PLAGL1: variants seen among roughly 807,000 people sequenced by gnomAD.
PLAGL1 encodes the protein zinc finger protein PLAGL1.
In PLAGL1, 1 loss-of-function variant was observed where a neutral mutation model predicts 4.6. The observed-to-expected ratio is 0.22, with a 90% CI of 0.08 to 1.03. The LOEUF (loss-of-function observed/expected upper bound fraction) is 1.03, where lower values mean the gene tolerates loss of function less well. PLAGL1 is among the 50% of genes least tolerant of loss of function. The pLI, the probability that PLAGL1 is intolerant of heterozygous loss-of-function variation, is 0.58. For missense variants in PLAGL1, 464 were observed against 570.4 expected (o/e 0.81, Z 1.90); for synonymous variants, 240 against 237.8 (o/e 1.01, Z -0.08).
chr6:144,054,542 G>C (rs2128727094), intron 1 of PLAGL1, among the ~76,000 whole-genome samples: 1 of 152,286 alleles, frequency 6.6e-6, no homozygotes, highest in East Asian at 1.9e-4. Flanking sequence ...AGTGGGAGCT[G>C]AACAATAAGA....
intron 1 of PLAGL1, among the ~76,000 whole-genome samples, chr6:144,060,752 C>G (rs1188939581): frequency 6.6e-6 from 1 of 152,158 alleles, no homozygotes; most frequent in Non-Finnish European, 1.5e-5. Context: ...AAATTTGACC[C>G]ACATCCCTCA....
chr6:144,001,207 C>T (rs968840121), intron 1 of PLAGL1, among the ~76,000 whole-genome samples: 1 of 151,552 alleles, frequency 6.6e-6, no homozygotes, highest in Non-Finnish European at 1.5e-5. Context: ...TTAATGGGGA[C>T]ATTTCAAAAG....
intron 1 of PLAGL1, among the ~76,000 whole-genome samples, chr6:144,057,893 GT>G (rs1799103003): frequency 6.6e-6 from 1 of 151,072 alleles, no homozygotes; most frequent in Admixed American, 6.6e-5. Context: ...TACTATTGCA[GT>G]TTTAACTTTA....
chr6:143,965,761 G>C lies in PLAGL1; in HGVS notation c.-431+397C>G, dbSNP rs1043326053. On this transcript the variant is annotated intron_variant, in intron 4 of 7. Coordinates refer to ENST00000674357, the MANE Select transcript of PLAGL1 (RefSeq NM_001317162.2). This position sits in a 1 kb window ranked among gnomAD's most constrained non-coding sequence, Gnocchi z 7.5. Reference sequence around the variant, plus strand: ...TCTCACAAGGGTCTAGCCTTGGTTGGCACATGCTTCCCTTGTCACACCAGA... The same window carrying C: ...TCTCACAAGGGTCTAGCCTTGGTTGCCACATGCTTCCCTTGTCACACCAGA... The C allele has an allele frequency of 6.6e-6, 1 of 152,152 alleles. No individual in the cohort carries two copies. The highest frequency in any genetic ancestry group is 1.5e-5 in the Non-Finnish European group (1 of 68,036). The allele number at this position is 152,152 out of a possible 1,614,324, so 9.4% of individuals were successfully genotyped here. A position where few individuals can be genotyped will look rare whatever the true frequency, so the allele number is the denominator to read the frequency against.
Position 144,059,540 on chromosome 6 carries a change from G to GGGAAGAAA in PLAGL1, c.-151+4927_-151+4928insTTTCTTCC, listed in dbSNP as rs1799232309. On this transcript the variant is annotated intron_variant, in intron 1 of 3. Coordinates refer to the PLAGL1 transcript ENST00000437412. This position sits in a 1 kb window ranked among gnomAD's most constrained non-coding sequence, Gnocchi z 4.9. The stretch of plus-strand genomic sequence containing the variant: ...TCTGTAACCTCCCTTCTCAATAATA[G>GGGAAGAAA]GGAAGAATCACATATATTTTGATAA... 6.6e-6 allele frequency among the ~76,000 whole-genome samples: 1 copy of GGGAAGAAA among 152,130 alleles called. No homozygotes were observed. Among genetic ancestry groups the GGGAAGAAA allele is most frequent in the Admixed American group, 6.5e-5 (1 of 15,272 alleles).
At chr6:144,014,473 G>A (rs1795432495) in intron 1 of PLAGL1, among the ~76,000 whole-genome samples, 2 of 151,904 alleles carry the variant, frequency 1.3e-5, no homozygotes, top group South Asian at 4.2e-4. Flanking sequence ...CTGACATAAG[G>A]GTACCGACAG....
chr6:143,984,899 A>G lies in PLAGL1; in HGVS notation c.-544+236T>C, dbSNP rs1788688946. Among the ~76,000 whole-genome samples the G allele has an allele frequency of 6.6e-6, 1 of 152,184 alleles. No individual in the cohort carries two copies. Among genetic ancestry groups the G allele is most frequent in the African/African-American group, 2.4e-5 (1 of 41,446 alleles). ...ACCATAACTCTGATAAGAAGTCACT[A>G]TAAGGAAACAAATGCCCCTAGGCCA... On this transcript the variant is annotated intron_variant, in intron 2 of 7. Coordinates refer to ENST00000674357, the MANE Select transcript of PLAGL1 (RefSeq NM_001317162.2). The surrounding 1 kb of genome is among the most constrained non-coding windows in gnomAD (Gnocchi z 5.5).
chr6:144,060,055 A>AT (rs774688385), intron 1 of PLAGL1, among the ~76,000 whole-genome samples: 167 of 145,952 alleles, frequency 1.1e-3, no homozygotes, highest in African/African-American at 2.6e-3. Flanking sequence ...GTGCCACACC[A>AT]TTTTTTTTTT....
intron 1 of PLAGL1, among the ~76,000 whole-genome samples, chr6:144,035,676 TTG>T (rs564019605): frequency 1.0e-3 from 152 of 152,316 alleles, no homozygotes; most frequent in African/African-American, 3.5e-3. Flanking sequence ...GCAAGAGGCT[TTG>T]TGTCAAATCC....
chr6:143,975,262 A>C lies in PLAGL1; in HGVS notation c.-543-6284T>G, dbSNP rs1285211788. Among the ~76,000 whole-genome samples the C allele has an allele frequency of 6.6e-6, 1 of 152,226 alleles. No individual in the cohort carries two copies. The highest frequency in any genetic ancestry group is 1.5e-5 in the Non-Finnish European group (1 of 68,034). ...ATAAGTCATCCTAGTTTTTGAGGCC[A>C]ATGGGTTGTACCACTTCCATTCAAT... On this transcript the variant is annotated intron_variant, in intron 2 of 7. Transcript: ENST00000674357. The surrounding 1 kb of genome is among the most constrained non-coding windows in gnomAD (Gnocchi z 5.8).
rs545481639 is a variant in PLAGL1 at position 144,053,146 on chromosome 6, A to AT, written c.-151+11321dup. Reference sequence around the variant, plus strand: ...CATTGCCAAAATCAATCAATCAATCATTTTTTTTGAAATGGTCTCACTCTG... The same window carrying AT: ...CATTGCCAAAATCAATCAATCAATCATTTTTTTTTGAAATGGTCTCACTCTG... On this transcript the variant is annotated intron_variant, in intron 1 of 3. Coordinates refer to the PLAGL1 transcript ENST00000437412. The surrounding 1 kb of genome is among the most constrained non-coding windows in gnomAD (Gnocchi z 4.0). 1.2e-3 allele frequency among the ~76,000 whole-genome samples: 185 copies of AT among 152,002 alleles called. 2 individuals carry two copies. Among genetic ancestry groups the AT allele is most frequent in the African/African-American group, 4.1e-3 (170 of 41,456 alleles).
At position 144,036,300 on chromosome 6, in the gene PLAGL1, T is replaced by A. The variant is rs1797235259; in HGVS notation, c.-151+28168A>T. On this transcript the variant is annotated intron_variant, in intron 1 of 3. Coordinates refer to the PLAGL1 transcript ENST00000437412. The surrounding 1 kb of genome is among the most constrained non-coding windows in gnomAD (Gnocchi z 5.1). ...AGGAAACACAAGCCTTATAACACAA[T>A]CCTGAGGAAATCAGCTGTGAAATAC... is the stretch of plus-strand genomic sequence containing the variant. Among the ~76,000 whole-genome samples, 1 of 152,092 alleles carries A rather than the reference T, an allele frequency of 6.6e-6. No individual in the cohort carries two copies. The highest frequency in any genetic ancestry group is 2.4e-5 in the African/African-American group (1 of 41,404).
intron 1 of PLAGL1, among the ~76,000 whole-genome samples, chr6:144,032,277 C>A (rs922189112): frequency 6.8e-6 from 1 of 147,706 alleles, no homozygotes; most frequent in African/African-American, 2.5e-5. Context: ...TGTGCCACCA[C>A]ACCTGGCTTT....
Position 144,016,482 on chromosome 6 carries a change from C to T in PLAGL1, c.-150-47504G>A, listed in dbSNP as rs1055256592. Among the ~76,000 whole-genome samples, 3 of 152,176 alleles carry T rather than the reference C, an allele frequency of 2.0e-5. No individual in the cohort carries two copies. Among genetic ancestry groups the T allele is most frequent in the Non-Finnish European group, 4.4e-5 (3 of 68,022 alleles). ...CCTAGGATCAATACTTTGTATCTTTCAATCCAATCAAGGTGACAGTCAGTA... is the reference window on the plus strand; with the variant it reads ...CCTAGGATCAATACTTTGTATCTTTTAATCCAATCAAGGTGACAGTCAGTA... On this transcript the variant is annotated intron_variant, in intron 1 of 3. Transcript: ENST00000437412. This position sits in a 1 kb window ranked among gnomAD's most constrained non-coding sequence, Gnocchi z 4.2.
chr6:143,957,300 G>C lies in PLAGL1; in HGVS notation c.-325+3169C>G, dbSNP rs200804164. ...GAATGAAGACTCTCAGGAGTCTGGT[G>C]GGGGGGTGAGGGGTGGAGAGCAACT... On this transcript the variant is annotated intron_variant, in intron 6 of 7. Coordinates refer to ENST00000674357, the MANE Select transcript of PLAGL1 (RefSeq NM_001317162.2). This position sits in a 1 kb window ranked among gnomAD's most constrained non-coding sequence, Gnocchi z 4.2. Among the ~76,000 whole-genome samples, 1 of 33,228 alleles carries C rather than the reference G, an allele frequency of 3.0e-5. No individual in the cohort carries two copies. The highest frequency in any genetic ancestry group is 6.7e-4 in the East Asian group (1 of 1,484). 21.8% of individuals were successfully genotyped at this position (33,228 alleles called of 152,430 possible). A position where few individuals can be genotyped will look rare whatever the true frequency, so the allele number is the denominator to read the frequency against.
chr6:143,988,873 G>T (rs1253398359), intron 1 of PLAGL1, among the ~76,000 whole-genome samples: 1 of 152,118 alleles, frequency 6.6e-6, no homozygotes, highest in Non-Finnish European at 1.5e-5. Flanking sequence ...TCTTCCCTAA[G>T]GCCCCACCTT....
At chr6:144,058,582 T>G (rs932582606) in intron 1 of PLAGL1, among the ~76,000 whole-genome samples, 10 of 152,198 alleles carry the variant, frequency 6.6e-5, no homozygotes, top group African/African-American at 2.4e-4. Flanking sequence ...CTTCCATTTT[T>G]GGGCCTATAA....
Position 143,950,345 on chromosome 6 carries a change from C to A in PLAGL1, c.-324-1885G>T, listed in dbSNP as rs1424410885. 6.6e-6 allele frequency among the ~76,000 whole-genome samples: 1 copy of A among 152,190 alleles called. No homozygotes were observed. The highest frequency in any genetic ancestry group is 2.4e-5 in the African/African-American group (1 of 41,438). Reference sequence around the variant, plus strand: ...TTCCCTTCCAGTATTCTAGTTCATGCCTGAGGCCCTATCTTGAGGAATCCT... The same window carrying A: ...TTCCCTTCCAGTATTCTAGTTCATGACTGAGGCCCTATCTTGAGGAATCCT... On this transcript the variant is annotated intron_variant, in intron 6 of 7. Transcript: ENST00000674357. This position sits in a 1 kb window ranked among gnomAD's most constrained non-coding sequence, Gnocchi z 6.3.
At position 143,960,842 on chromosome 6, in the gene PLAGL1, A is replaced by AT. The variant is rs1280586602; in HGVS notation, c.-398-301dup. 2.0e-5 allele frequency: 3 copies of AT among 152,322 alleles called. No individual in the cohort carries two copies. Among genetic ancestry groups the AT allele is most frequent in the South Asian group, 4.1e-4 (2 of 4,830 alleles). The allele number at this position is 152,322 out of a possible 1,614,324, so 9.4% of individuals were successfully genotyped here. On this transcript the variant is annotated intron_variant, in intron 5 of 7. Coordinates refer to ENST00000674357, the MANE Select transcript of PLAGL1 (RefSeq NM_001317162.2). This position sits in a 1 kb window ranked among gnomAD's most constrained non-coding sequence, Gnocchi z 5.7. ...CAGAACAGCACTCAGAGGAAATGGT[A>AT]TTTTTTAAAACCAACAGTATTAAAA...
Sources: allele counts gnomAD v4.1 joint callset (sites outside exome capture counted in the v4.1 genomes callset), GRCh38; gene constraint gnomAD v4.1.1; non-coding constraint Gnocchi (gnomAD v3.1); transcripts MANE v1.5; gene names NCBI Gene and HGNC (gene_info 2026-07-23, HGNC 2026-07-21).